The following UST variants were observed in gnomAD, a reference collection of about 807,000 sequenced individuals.
UST encodes the protein uronyl 2-sulfotransferase, also known as chondroitin sulfate 2-O-sulfotransferase.
A neutral mutation model predicts 45.6 loss-of-function variants in UST; 21 were observed. That is an observed-to-expected ratio of 0.46 (90% CI 0.33 to 0.66). The LOEUF is 0.66. Ranked by LOEUF, UST falls within the 30% of genes least tolerant of loss-of-function variation. UST has a pLI of 0.02. For synonymous variants in UST, 215 were observed against 200.6 expected, an observed-to-expected ratio of 1.07 and a Z score of -0.61; for missense variants, 463 against 512.4, an observed-to-expected ratio of 0.90 and a Z score of 0.93.
chr6:149,054,126 A>G (rs1336100214), intron 7 of UST, among the ~76,000 whole-genome samples: 2 of 152,174 alleles, frequency 1.3e-5, no homozygotes, highest in African/African-American at 4.8e-5. Context: ...ATGGAGAAGG[A>G]GGGAAAGAAA....
chr6:148,755,627 A>G (rs1015956228), intron 1 of UST, among the ~76,000 whole-genome samples: 2 of 149,204 alleles, frequency 1.3e-5, no homozygotes, highest in East Asian at 1.9e-4. Flanking sequence ...GTGAGTTCTC[A>G]TGAGATCTGA....
chr6:148,802,199 A>G (rs1777068476), intron 1 of UST, among the ~76,000 whole-genome samples: 1 of 152,222 alleles, frequency 6.6e-6, no homozygotes, highest in Admixed American at 6.5e-5. Flanking sequence ...GGAGAACTGC[A>G]TCCAAATCCC....
chr6:148,922,527 C>G (rs773876091), intron 2 of UST, among the ~76,000 whole-genome samples: 5 of 145,136 alleles, frequency 3.4e-5, no homozygotes, highest in Non-Finnish European at 7.4e-5. Context: ...CTCGCTCTGT[C>G]CCCCAGGCTG....
chr6:148,789,453 T>TCTCTCA (rs1199697244), intron 1 of UST, among the ~76,000 whole-genome samples: 8 of 134,224 alleles, frequency 6.0e-5, no homozygotes, highest in African/African-American at 1.8e-4. Flanking sequence ...TCTCTCTCTC[T>TCTCTCA]CACACACACA....
chr6:148,759,827 G>A, intron 1 of UST, among the ~76,000 whole-genome samples: 1 of 122,420 alleles, frequency 8.2e-6, no homozygotes, highest in Non-Finnish European at 1.6e-5. Flanking sequence ...CAGCCTGGGC[G>A]ACAGAGCGAG....
intron 5 of UST, among the ~76,000 whole-genome samples, chr6:148,992,603 A>C (rs1006682766): frequency 2.0e-5 from 3 of 152,206 alleles, no homozygotes; most frequent in Non-Finnish European, 4.4e-5. Flanking sequence ...AGAGGACTCT[A>C]TTTGCATGAA....
At chr6:148,933,330 A>G (rs1051748770) in intron 2 of UST, among the ~76,000 whole-genome samples, 1 of 152,172 alleles carries the variant, frequency 6.6e-6, no homozygotes, top group East Asian at 1.9e-4. Flanking sequence ...TACATAACAG[A>G]TAGATTATTT....
At chr6:148,942,488 G>T (rs1040880249) in intron 3 of UST, among the ~76,000 whole-genome samples, 5 of 152,102 alleles carry the variant, frequency 3.3e-5, no homozygotes, top group East Asian at 3.9e-4. Flanking sequence ...AACCCAGAAG[G>T]CAGAGGTTGC....
intron 1 of UST, among the ~76,000 whole-genome samples, chr6:148,827,931 A>C (rs1692574714): frequency 6.6e-6 from 1 of 152,032 alleles, no homozygotes; most frequent in African/African-American, 2.4e-5. Context: ...TGGATTAAGG[A>C]GAGTAAGAAA....
At chr6:149,042,040 G>A (rs970166231) in intron 7 of UST, among the ~76,000 whole-genome samples, 5 of 152,226 alleles carry the variant, frequency 3.3e-5, no homozygotes, top group Admixed American at 6.5e-5. Flanking sequence ...CAGTAAAAAT[G>A]TATTGAATTA....
At chr6:148,963,171 C>T (rs952673409) in intron 4 of UST, among the ~76,000 whole-genome samples, 2 of 152,208 alleles carry the variant, frequency 1.3e-5, no homozygotes, top group Admixed American at 1.3e-4. Flanking sequence ...TGTGATGTGA[C>T]TCCAGGCTGG....
At chr6:149,009,881 G>A (rs1192534878) in intron 5 of UST, among the ~76,000 whole-genome samples, 1 of 147,684 alleles carries the variant, frequency 6.8e-6, no homozygotes, top group Non-Finnish European at 1.5e-5. Context: ...TTTTTCAATA[G>A]CACATATACA....
At chr6:148,789,422 G>A (rs1304209343) in intron 1 of UST, among the ~76,000 whole-genome samples, 1 of 143,660 alleles carries the variant, frequency 7.0e-6, no homozygotes, top group African/African-American at 2.7e-5. Context: ...GAGTTCTTGT[G>A]CAGATCTCTC....
intron 2 of UST, among the ~76,000 whole-genome samples, chr6:148,929,337 T>A (rs1460189725): frequency 1.3e-5 from 2 of 152,214 alleles, no homozygotes; most frequent in African/African-American, 2.4e-5. Flanking sequence ...CTAGTTGAGA[T>A]GTACACTGGA....
intron 1 of UST, among the ~76,000 whole-genome samples, chr6:148,872,729 T>TAA (rs1778582691): frequency 6.6e-6 from 1 of 152,216 alleles, no homozygotes; most frequent in African/African-American, 2.4e-5. Context: ...GGCAAGAATT[T>TAA]GTTTTCTTGC....
chr6:148,762,714 C>G (rs759780148), intron 1 of UST, among the ~76,000 whole-genome samples: 40 of 151,974 alleles, frequency 2.6e-4, no homozygotes, highest in Non-Finnish European at 4.9e-4. Context: ...TTGAGAGTCC[C>G]CATTGTCTGT....
chr6:148,810,898 G>A (rs1777245982), intron 1 of UST, among the ~76,000 whole-genome samples: 1 of 152,182 alleles, frequency 6.6e-6, no homozygotes. Context: ...AAAGTTGGGA[G>A]TATTGTATAC....
At chr6:149,059,518 C>G (rs1192703835) in intron 7 of UST, among the ~76,000 whole-genome samples, 1 of 152,222 alleles carries the variant, frequency 6.6e-6, no homozygotes, top group Non-Finnish European at 1.5e-5. Flanking sequence ...CAGAGATCTC[C>G]AGATTGCCCA....
chr6:148,792,469 G>A (rs1191909996), intron 1 of UST, among the ~76,000 whole-genome samples: 1 of 152,128 alleles, frequency 6.6e-6, no homozygotes, highest in African/African-American at 2.4e-5. Context: ...CTTCGGACTG[G>A]AGATCAAGAC....
Sources: gnomAD v4.1 joint callset for allele counts (sites outside exome capture counted in the v4.1 genomes callset) on GRCh38, gnomAD v4.1.1 for gene constraint, MANE v1.5 for transcripts, NCBI Gene and HGNC (gene_info 2026-07-23, HGNC 2026-07-21) for gene names.